ZCCHC4: variants seen among roughly 807,000 people sequenced by gnomAD.
ZCCHC4 encodes rRNA N(6)-adenosine-methyltransferase ZCCHC4.
In ZCCHC4, 54 loss-of-function variants were observed where a neutral mutation model predicts 67.7. The observed-to-expected ratio is 0.80, with a 90% CI of 0.64 to 1.00. ZCCHC4 has a LOEUF of 1.00. ZCCHC4 is among the 50% of genes least tolerant of loss of function. The pLI is 0.00. For missense variants in ZCCHC4, 609 were observed against 617.0 expected, an observed-to-expected ratio of 0.99 and a Z score of 0.14; for synonymous variants, 198 against 213.5, an observed-to-expected ratio of 0.93 and a Z score of 0.63.
chr4:25,345,712 G>A (rs1719977949), intron 6 of ZCCHC4, 92 bp downstream of exon 6: 1 of 832,672 alleles, frequency 1.2e-6, no homozygotes, highest in South Asian at 1.7e-5. Context: ...ATTCCCTCAA[G>A]GTCAAATTGT....
At chr4:25,322,256 T>C (rs1458946045) in intron 3 of ZCCHC4, among the ~76,000 whole-genome samples, 1 of 152,126 alleles carries the variant, frequency 6.6e-6, no homozygotes, top group Non-Finnish European at 1.5e-5. Context: ...TGTACAAAGA[T>C]GTACAACTAT....
intron 6 of ZCCHC4, among the ~76,000 whole-genome samples, chr4:25,348,161 T>C (rs772294064): frequency 6.6e-6 from 1 of 152,218 alleles, no homozygotes; most frequent in African/African-American, 2.4e-5. Flanking sequence ...GTTAAGGAAG[T>C]GCCAGACAGC....
chr4:25,368,180 G>T (rs1422796394), intron 12 of ZCCHC4, among the ~76,000 whole-genome samples: 1 of 152,212 alleles, frequency 6.6e-6, no homozygotes, highest in Non-Finnish European at 1.5e-5. Context: ...TTCCTATGGA[G>T]AAGCTTATGA....
Position 25,315,680 on chromosome 4 carries a change from A to C in ZCCHC4, c.329+280A>C, listed in dbSNP as rs1248592326. 2.0e-5 allele frequency among the ~76,000 whole-genome samples: 3 copies of C among 150,302 alleles called. No homozygotes were observed. In the East Asian group the frequency reaches 5.8e-4, roughly 29 times the overall value. ...GTAACTCCTCATTCTACCTCCTCCC[A>C]AACCCTAGTAACCTCTGATTTATTT... On this transcript the variant is annotated intron_variant, in intron 3 of 12. Transcript: ENST00000302874.
rs763855383 is a variant in ZCCHC4, at chr4:25,351,655, AGTT to A, written c.978_980del (p.Gln326_Phe327delinsHis). ...TATTTTTTTGAATCCCGAATTTGTC[AGTT>A]TTTTCCAAGCTTCCAGATGCTGGAT... On this transcript the variant is annotated inframe_deletion, in exon 8 of 13. Transcript: ENST00000302874. 1.9e-6 allele frequency: 3 copies of A among 1,612,464 alleles called. No individual in the cohort carries two copies.
chr4:25,312,781 A>G lies in ZCCHC4; in HGVS notation c.-29A>G. 6.2e-7 allele frequency: 1 copy of G among 1,612,412 alleles called. No homozygotes were observed. Among genetic ancestry groups the G allele is most frequent in the Non-Finnish European group, 8.5e-7 (1 of 1,179,734 alleles). On this transcript the variant is annotated 5_prime_UTR_variant, in exon 1 of 13. Coordinates refer to ENST00000302874, the MANE Select transcript of ZCCHC4 (RefSeq NM_024936.3). The stretch of plus-strand genomic sequence containing the variant: ...CTCTTTCTCAGCATTCTTGTTTCGT[A>G]CTGAGGCTTTCGGGACGGCGGCGGG...
chr4:25,365,237 C>T, intron 12 of ZCCHC4, 71 bp downstream of exon 12: 1 of 1,581,988 alleles, frequency 6.3e-7, no homozygotes, highest in Non-Finnish European at 8.6e-7. Flanking sequence ...CAAAAGCATG[C>T]AACATTCAGA....
At chr4:25,319,175 A>C (rs1187728393) in intron 3 of ZCCHC4, among the ~76,000 whole-genome samples, 1 of 152,174 alleles carries the variant, frequency 6.6e-6, no homozygotes, top group Non-Finnish European at 1.5e-5. Flanking sequence ...CGAGGTCAGG[A>C]GATCGAGACC....
chr4:25,328,846 G>T (rs1719028907), intron 3 of ZCCHC4, among the ~76,000 whole-genome samples: 1 of 152,160 alleles, frequency 6.6e-6, no homozygotes, highest in Non-Finnish European at 1.5e-5. Context: ...GCCTCCCAAA[G>T]TGTTAGGATT....
Position 25,369,040 on chromosome 4 carries a change from AG to A in ZCCHC4, c.1419del (p.Lys473AsnfsTer10). On this transcript the variant is annotated frameshift_variant, in exon 13 of 13. Coordinates refer to ENST00000302874, the MANE Select transcript of ZCCHC4 (RefSeq NM_024936.3). LOFTEE classifies it high-confidence loss of function. ...ACCTTGTTTTCCAGAGCTGTCAGAA[AG>A]CAGAAGCAAAGAAAAAGTAATAAGA... is the stretch of plus-strand genomic sequence containing the variant. ...TSKRANKAVR[K>X]QKQRKSNKMK... 2 of 1,610,686 alleles carry A rather than the reference AG, an allele frequency of 1.2e-6. No individual in the cohort carries two copies. Among genetic ancestry groups the A allele is most frequent in the Non-Finnish European group, 1.7e-6 (2 of 1,179,288 alleles).
intron 8 of ZCCHC4, among the ~76,000 whole-genome samples, chr4:25,352,779 A>G (rs985535386): frequency 1.3e-5 from 2 of 152,196 alleles, no homozygotes; most frequent in Admixed American, 1.3e-4. Flanking sequence ...CCCCTGATTA[A>G]GGCAGAGTTT....
chr4:25,345,870 G>A (rs985865913), intron 6 of ZCCHC4, among the ~76,000 whole-genome samples: 9 of 152,132 alleles, frequency 5.9e-5, no homozygotes, highest in African/African-American at 2.2e-4. Flanking sequence ...GGCTCTGTGT[G>A]ATCTGACCCC....
intron 4 of ZCCHC4, 127 bp downstream of exon 4, chr4:25,333,585 C>T: frequency 1.9e-6 from 2 of 1,057,574 alleles, no homozygotes; most frequent in Non-Finnish European, 2.7e-6. Context: ...AAATGTAAAG[C>T]ACAGTCCCTC....
intron 7 of ZCCHC4, among the ~76,000 whole-genome samples, chr4:25,350,261 T>C (rs1023698977): frequency 7.1e-6 from 1 of 141,468 alleles, no homozygotes; most frequent in Admixed American, 7.0e-5. Context: ...CTTCTTTTTT[T>C]TTTTTTTTTT....
chr4:25,332,493 A>G (rs1013448022), intron 3 of ZCCHC4, among the ~76,000 whole-genome samples: 1 of 152,188 alleles, frequency 6.6e-6, no homozygotes. Context: ...TTTTAAACAT[A>G]CTGACCATGA....
chr4:25,319,302 G>A (rs1044410663), intron 3 of ZCCHC4, among the ~76,000 whole-genome samples: 1 of 152,012 alleles, frequency 6.6e-6, no homozygotes, highest in Non-Finnish European at 1.5e-5. Flanking sequence ...GGAGAATGGC[G>A]TGAACCTGGG....
chr4:25,325,197 T>G (rs113102409), intron 3 of ZCCHC4, among the ~76,000 whole-genome samples: 1,855 of 111,354 alleles, frequency 0.017, 89 homozygotes, highest in African/African-American at 0.054. Context: ...TGAGCCGAGA[T>G]CTCGCCACTG....
intron 2 of ZCCHC4, 137 bp from the exon 3 acceptor site, chr4:25,315,180 CT>C (rs1370927022): frequency 1.6e-5 from 11 of 675,448 alleles, no homozygotes; most frequent in Non-Finnish European, 2.6e-5. Context: ...CCAGTTTTCG[CT>C]GTTTTGTTTT....
At chr4:25,362,157 T>G (rs1720763750) in intron 9 of ZCCHC4, 69 bp from the exon 10 acceptor site, 1 of 1,493,470 alleles carries the variant, frequency 6.7e-7, no homozygotes, top group Admixed American at 2.0e-5. Flanking sequence ...ATGAGTGCTT[T>G]GTAAAGTTTT....
Sources: gnomAD v4.1 joint callset for allele counts (sites outside exome capture counted in the v4.1 genomes callset) on GRCh38, gnomAD v4.1.1 for gene constraint, MANE v1.5 for transcripts, NCBI Gene and HGNC (gene_info 2026-07-23, HGNC 2026-07-21) for gene names.